LHFPL3: variants seen among roughly 807,000 people sequenced by gnomAD.
The protein encoded by LHFPL3 is LHFPL tetraspan subfamily member 3.
In LHFPL3, 5 loss-of-function variants were observed where a neutral mutation model predicts 19.3. The observed-to-expected ratio is 0.26, with a 90% CI of 0.14 to 0.54. The LOEUF (loss-of-function observed/expected upper bound fraction) is 0.54. Ranked by LOEUF, LHFPL3 falls within the 20% of genes least tolerant of loss-of-function variation. The pLI is 0.94. For missense variants in LHFPL3, 249 were observed against 307.4 expected (o/e 0.81, Z 1.42); for synonymous variants, 133 against 126.2 (o/e 1.05, Z -0.36).
intron 2 of LHFPL3, among the ~76,000 whole-genome samples, chr7:104,770,313 C>T (rs777379292): frequency 4.6e-5 from 7 of 152,108 alleles, no homozygotes; most frequent in Non-Finnish European, 2.9e-5. Flanking sequence ...GAGGCTGACA[C>T]TCATTTTGAG....
At chr7:104,838,322 A>G (rs1390748492) in intron 2 of LHFPL3, among the ~76,000 whole-genome samples, 1 of 152,202 alleles carries the variant, frequency 6.6e-6, no homozygotes, top group Non-Finnish European at 1.5e-5. Context: ...TTTGCTGTGT[A>G]CTTCCATCTC....
chr7:104,668,500 G>A (rs953448537), intron 1 of LHFPL3: 1 of 1,613,098 alleles, frequency 6.2e-7, no homozygotes, highest in Non-Finnish European at 8.5e-7. Context: ...TATGGTGGCC[G>A]GGATCGCTAT....
chr7:104,582,156 G>C (rs1401300449), intron 1 of LHFPL3, among the ~76,000 whole-genome samples: 2 of 151,776 alleles, frequency 1.3e-5, no homozygotes, highest in African/African-American at 4.8e-5. Flanking sequence ...TTTTAGTGAA[G>C]AGATTTGTAC....
At chr7:104,449,309 T>G (rs575076353) in intron 1 of LHFPL3, among the ~76,000 whole-genome samples, 7 of 152,230 alleles carry the variant, frequency 4.6e-5, no homozygotes, top group Admixed American at 4.6e-4. Flanking sequence ...CTTGGCACAC[T>G]GTGCTGCTAG....
At chr7:104,581,363 T>G (rs1790457407) in intron 1 of LHFPL3, among the ~76,000 whole-genome samples, 1 of 152,098 alleles carries the variant, frequency 6.6e-6, no homozygotes, top group South Asian at 2.1e-4. Context: ...CCATTTTTAT[T>G]ATTTCTTTGC....
At chr7:104,746,253 A>C (rs796211393) in intron 2 of LHFPL3, among the ~76,000 whole-genome samples, 18 of 152,334 alleles carry the variant, frequency 1.2e-4, no homozygotes, top group African/African-American at 4.3e-4. Context: ...TGGAGGTTGC[A>C]GTGAACCAAG....
chr7:104,614,633 CTTCTCTTCTCTTCTCTTCTCTCCT>C (rs1435333663), intron 1 of LHFPL3, among the ~76,000 whole-genome samples: 5 of 140,754 alleles, frequency 3.6e-5, no homozygotes, highest in Admixed American at 7.3e-5. Flanking sequence ...CTTCTCTTCT[CTTCTCTTCTCTTCTCTTCTCTCCT>C]TCCTTCCTTC....
At chr7:104,383,320 C>T (rs117162305) in intron 1 of LHFPL3, among the ~76,000 whole-genome samples, 55 of 152,274 alleles carry the variant, frequency 3.6e-4, no homozygotes, top group Non-Finnish European at 5.7e-4. Flanking sequence ...CCACAAGGAC[C>T]GTCAGTGCCT....
At chr7:104,587,733 C>A (rs1024763940) in intron 1 of LHFPL3, among the ~76,000 whole-genome samples, 2 of 151,740 alleles carry the variant, frequency 1.3e-5, no homozygotes, top group African/African-American at 2.4e-5. Context: ...TACAGTCCCA[C>A]CAACAGTGTA....
chr7:104,786,763 ATGT>A (rs1350322117), intron 2 of LHFPL3, among the ~76,000 whole-genome samples: 3 of 151,950 alleles, frequency 2.0e-5, no homozygotes, highest in African/African-American at 4.8e-5. Flanking sequence ...ATACCCAATA[ATGT>A]TGTTACATAT....
At chr7:104,517,656 A>G (rs1056663399) in intron 1 of LHFPL3, among the ~76,000 whole-genome samples, 3 of 151,826 alleles carry the variant, frequency 2.0e-5, no homozygotes, top group Non-Finnish European at 4.4e-5. Context: ...ACAGGCGCCC[A>G]CCACCATGCC....
intron 1 of LHFPL3, among the ~76,000 whole-genome samples, chr7:104,366,527 G>T (rs573305541): frequency 6.6e-6 from 1 of 152,318 alleles, no homozygotes; most frequent in East Asian, 1.9e-4. Flanking sequence ...GCATGTGCAG[G>T]TCTTGTCTAA....
At chr7:104,715,248 A>T (rs1258343846) in intron 1 of LHFPL3, among the ~76,000 whole-genome samples, 1 of 152,228 alleles carries the variant, frequency 6.6e-6, no homozygotes, top group African/African-American at 2.4e-5. Context: ...GTATGTATAT[A>T]TGTGAATGTG....
intron 1 of LHFPL3, among the ~76,000 whole-genome samples, chr7:104,630,898 C>T (rs913773326): frequency 1.3e-5 from 2 of 152,088 alleles, no homozygotes; most frequent in Admixed American, 6.6e-5. Flanking sequence ...GCTGTCCACA[C>T]CCACCCACCA....
intron 1 of LHFPL3, among the ~76,000 whole-genome samples, chr7:104,641,129 C>A (rs184376108): frequency 1.4e-3 from 220 of 152,288 alleles, no homozygotes; most frequent in African/African-American, 5.1e-3. Flanking sequence ...TTTGGTACTG[C>A]ATTATTTCCT....
chr7:104,878,902 C>G (rs1791996354), intron 2 of LHFPL3, among the ~76,000 whole-genome samples: 1 of 152,156 alleles, frequency 6.6e-6, no homozygotes, highest in South Asian at 2.1e-4. Context: ...TCTATCTAGA[C>G]AACTAAAACT....
chr7:104,355,512 A>G (rs923362032), intron 1 of LHFPL3, among the ~76,000 whole-genome samples: 1 of 152,240 alleles, frequency 6.6e-6, no homozygotes, highest in African/African-American at 2.4e-5. Context: ...ATTAGGACTT[A>G]GTGAACAATT....
chr7:104,353,849 C>T (rs1406590203), intron 1 of LHFPL3, among the ~76,000 whole-genome samples: 1 of 152,182 alleles, frequency 6.6e-6, no homozygotes, highest in Non-Finnish European at 1.5e-5. Context: ...AGCTAAAGCT[C>T]AGAAAGTTAT....
At chr7:104,726,760 C>A (rs1193873709) in intron 1 of LHFPL3, among the ~76,000 whole-genome samples, 1 of 152,122 alleles carries the variant, frequency 6.6e-6, no homozygotes, top group Non-Finnish European at 1.5e-5. Context: ...GATTCCATGT[C>A]TTCGCTATTG....
Sources: allele counts gnomAD v4.1 joint callset (sites outside exome capture counted in the v4.1 genomes callset), GRCh38; gene constraint gnomAD v4.1.1; transcripts MANE v1.5; gene names NCBI Gene and HGNC (gene_info 2026-07-23, HGNC 2026-07-21).